ZNF804B: variants seen among roughly 807,000 people sequenced by gnomAD.
ZNF804B encodes the protein zinc finger 804B.
A neutral mutation model predicts 101.4 loss-of-function variants in ZNF804B; 80 were observed. The observed-to-expected ratio is 0.79, with a 90% CI of 0.66 to 0.95. The LOEUF (loss-of-function observed/expected upper bound fraction) is 0.95. Ranked by LOEUF, ZNF804B falls within the 40% of genes least tolerant of loss-of-function variation. The pLI, the probability that ZNF804B is intolerant of heterozygous loss-of-function variation, is 0.00. For synonymous variants in ZNF804B, 622 were observed against 558.8 expected (o/e 1.11, Z -1.59); for missense variants, 1,673 against 1,561.9 (o/e 1.07, Z -1.20).
At chr7:89,215,643 G>C (rs1413952422) in intron 1 of ZNF804B, among the ~76,000 whole-genome samples, 8 of 151,734 alleles carry the variant, frequency 5.3e-5, no homozygotes. Context: ...TAGCACTTTG[G>C]GAAGCCGAGG....
At chr7:89,278,040 T>A (rs1790017837) in intron 2 of ZNF804B, among the ~76,000 whole-genome samples, 2 of 152,218 alleles carry the variant, frequency 1.3e-5, no homozygotes, top group African/African-American at 4.8e-5. Flanking sequence ...ATGATTGCCA[T>A]TCTAACTGGT....
intron 2 of ZNF804B, among the ~76,000 whole-genome samples, chr7:89,301,099 G>GTTTTTTTT (rs5885673): frequency 2.6e-5 from 2 of 77,656 alleles, no homozygotes; most frequent in African/African-American, 4.6e-5. Context: ...TTTCAAGCGT[G>GTTTTTTTT]TTTTTTTTTT....
intron 1 of ZNF804B, among the ~76,000 whole-genome samples, chr7:89,154,671 C>A (rs539402690): frequency 6.6e-6 from 1 of 152,008 alleles, no homozygotes; most frequent in East Asian, 1.9e-4. Flanking sequence ...AAGCAATTGA[C>A]CTCATGGACA....
intron 2 of ZNF804B, among the ~76,000 whole-genome samples, chr7:89,249,138 G>A (rs1431945039): frequency 6.6e-6 from 1 of 151,616 alleles, no homozygotes; most frequent in Non-Finnish European, 1.5e-5. Context: ...GGAACACCCA[G>A]ATTCATAAAA....
chr7:89,194,730 T>G (rs1202662622), intron 1 of ZNF804B, among the ~76,000 whole-genome samples: 1 of 148,212 alleles, frequency 6.7e-6, no homozygotes, highest in Non-Finnish European at 1.5e-5. Flanking sequence ...GTAGTATAGT[T>G]TGAAGTCAGG....
chr7:88,968,667 T>A (rs1273813111), intron 1 of ZNF804B, among the ~76,000 whole-genome samples: 1 of 151,592 alleles, frequency 6.6e-6, no homozygotes, highest in Non-Finnish European at 1.5e-5. Flanking sequence ...GGTGCATACA[T>A]TGCTTTCAAA....
intron 1 of ZNF804B, among the ~76,000 whole-genome samples, chr7:88,955,339 A>G (rs908351282): frequency 7.9e-5 from 12 of 151,580 alleles, no homozygotes; most frequent in African/African-American, 2.9e-4. Flanking sequence ...TTTTATCTAC[A>G]TGAGAGGCTT....
intron 1 of ZNF804B, among the ~76,000 whole-genome samples, chr7:89,045,661 A>C (rs1789093306): frequency 6.6e-6 from 1 of 152,202 alleles, no homozygotes; most frequent in Non-Finnish European, 1.5e-5. Flanking sequence ...TCAGACTTGC[A>C]TTGAGCCTGT....
intron 1 of ZNF804B, among the ~76,000 whole-genome samples, chr7:88,930,813 G>T (rs560014368): frequency 3.9e-5 from 6 of 151,984 alleles, no homozygotes; most frequent in African/African-American, 1.4e-4. Flanking sequence ...CCAACATGCA[G>T]AATCATGCAG....
At chr7:89,171,307 C>T (rs1299997186) in intron 1 of ZNF804B, among the ~76,000 whole-genome samples, 9 of 111,880 alleles carry the variant, frequency 8.0e-5, no homozygotes, top group African/African-American at 3.0e-4. Flanking sequence ...TCTTCTTCTT[C>T]TTCTTCTTCT....
At chr7:88,962,831 T>C (rs1240803774) in intron 1 of ZNF804B, among the ~76,000 whole-genome samples, 1 of 149,596 alleles carries the variant, frequency 6.7e-6, no homozygotes, top group East Asian at 2.0e-4. Flanking sequence ...ATTAGCTTAG[T>C]AGTTTTTTTC....
chr7:88,916,603 T>G (rs182589831), intron 1 of ZNF804B, among the ~76,000 whole-genome samples: 89 of 152,270 alleles, frequency 5.8e-4, no homozygotes, highest in African/African-American at 2.0e-3. Context: ...TTATTTCTTT[T>G]TTGCTATTTA....
chr7:89,151,726 G>A (rs1310357692), intron 1 of ZNF804B, among the ~76,000 whole-genome samples: 3 of 151,808 alleles, frequency 2.0e-5, no homozygotes, highest in Non-Finnish European at 2.9e-5. Context: ...TTTCCTGAAA[G>A]TGAGTGGCAC....
At chr7:88,797,963 AATAATAAAAACTATTTC>A (rs1164164685) in intron 1 of ZNF804B, among the ~76,000 whole-genome samples, 3 of 152,154 alleles carry the variant, frequency 2.0e-5, no homozygotes, top group African/African-American at 7.2e-5. Flanking sequence ...TCTCAGAATA[AATAATAAAAACTATTTC>A]ATAGTTCTGC....
At chr7:89,068,875 T>A (rs1267425944) in intron 1 of ZNF804B, among the ~76,000 whole-genome samples, 1 of 152,158 alleles carries the variant, frequency 6.6e-6, no homozygotes, top group Non-Finnish European at 1.5e-5. Flanking sequence ...CAGATGGGTC[T>A]CCCTAAGCCT....
intron 1 of ZNF804B, among the ~76,000 whole-genome samples, chr7:88,957,983 T>C (rs1397747136): frequency 1.3e-5 from 2 of 151,164 alleles, no homozygotes; most frequent in Non-Finnish European, 3.0e-5. Context: ...ATTTGCTCAA[T>C]ATGAAATAGA....
At chr7:89,247,139 C>T (rs1789461738) in intron 2 of ZNF804B, among the ~76,000 whole-genome samples, 1 of 152,224 alleles carries the variant, frequency 6.6e-6, no homozygotes, top group Admixed American at 6.5e-5. Context: ...CCTAGTTCCA[C>T]ACACCTAGGC....
rs1791138578 is a variant in ZNF804B at position 89,338,503 on chromosome 7, G to A, written c.*1471G>A. Among the ~76,000 whole-genome samples, 3 of 151,970 alleles carry A rather than the reference G, an allele frequency of 2.0e-5. No individual in the cohort carries two copies. The South Asian group carries it at 6.2e-4, about 31-fold the overall frequency. ...AGTAGGAAAGGACATCGTTGATTCA[G>A]GAGAGACTGGTGAGAGAGAAAGAGA... On this transcript the variant is annotated 3_prime_UTR_variant, in exon 4 of 4. Transcript: ENST00000333190.
chr7:89,283,683 A>G (rs1790133733), intron 2 of ZNF804B, among the ~76,000 whole-genome samples: 1 of 152,210 alleles, frequency 6.6e-6, no homozygotes, highest in South Asian at 2.1e-4. Context: ...ACCAGAAATT[A>G]TAATTGTTTT....
Sources: allele counts gnomAD v4.1 joint callset (sites outside exome capture counted in the v4.1 genomes callset), GRCh38; gene constraint gnomAD v4.1.1; transcripts MANE v1.5; gene names NCBI Gene and HGNC (gene_info 2026-07-23, HGNC 2026-07-21).